Variants in SNTG2 observed in about 807,000 individuals in gnomAD.
SNTG2 encodes syntrophin gamma 2, also known as gamma-2-syntrophin.
A neutral mutation model predicts 70.9 loss-of-function variants in SNTG2; 74 were observed. The ratio of observed to expected loss-of-function variants is 1.04; its 90% CI spans 0.86 to 1.27. The LOEUF is 1.27. SNTG2 is among the 50% of genes most tolerant of loss of function. The pLI is 0.00. For synonymous variants in SNTG2, 278 were observed against 273.8 expected (o/e 1.02, Z -0.15); for missense variants, 717 against 690.7 (o/e 1.04, Z -0.43).
chr2:1,143,577 TATG>T (rs1668891897), intron 6 of SNTG2, among the ~76,000 whole-genome samples: 2 of 151,420 alleles, frequency 1.3e-5, no homozygotes, highest in Admixed American at 1.3e-4. Context: ...CCGTCGAAAA[TATG>T]ATATTTGGCC....
At chr2:1,066,357 G>A (rs1474083630) in intron 1 of SNTG2, among the ~76,000 whole-genome samples, 1 of 151,848 alleles carries the variant, frequency 6.6e-6, no homozygotes, top group Non-Finnish European at 1.5e-5. Context: ...GTTTTGCAGT[G>A]TACAGTCACG....
At chr2:1,135,599 G>A (rs1172908811) in intron 4 of SNTG2, among the ~76,000 whole-genome samples, 1 of 152,138 alleles carries the variant, frequency 6.6e-6, no homozygotes, top group Non-Finnish European at 1.5e-5. Context: ...GTGCATGTCT[G>A]TAATCCCAGC....
At chr2:986,145 C>G (rs868401482) in intron 1 of SNTG2, among the ~76,000 whole-genome samples, 2 of 137,164 alleles carry the variant, frequency 1.5e-5, no homozygotes, top group African/African-American at 5.4e-5. Flanking sequence ...TATCAATTTT[C>G]CTTTCACACA....
At chr2:1,364,691 G>C (rs1661382258) in intron 16 of SNTG2, among the ~76,000 whole-genome samples, 1 of 146,218 alleles carries the variant, frequency 6.8e-6, no homozygotes, top group Admixed American at 7.0e-5. Flanking sequence ...AGGAGGTTGA[G>C]ACCATCCTGG....
intron 6 of SNTG2, chr2:1,161,557 C>A (rs1372516427): frequency 6.6e-6 from 1 of 152,176 alleles, no homozygotes; most frequent in Non-Finnish European, 1.5e-5. Context: ...AGGGAGAAAT[C>A]TTTGAAGGCA....
chr2:1,167,236 C>T (rs925218586), intron 7 of SNTG2, among the ~76,000 whole-genome samples: 10 of 150,492 alleles, frequency 6.6e-5, no homozygotes, highest in Non-Finnish European at 1.3e-4. Flanking sequence ...ACAAGCCACC[C>T]ACAGACGACA....
chr2:1,246,281 T>C (rs1414262576), intron 11 of SNTG2, among the ~76,000 whole-genome samples: 3 of 152,232 alleles, frequency 2.0e-5, no homozygotes, highest in Admixed American at 1.3e-4. Flanking sequence ...ATACCGTTTG[T>C]AGAAATCTGA....
rs77481444 is a variant in SNTG2, at chr2:957,071, T to A, written c.72+6003T>A. ...TGCCTTTTTACATGATTAAGTTTTC[T>A]TTATGTACTGAGAAATATGAAATTA... On this transcript the variant is annotated intron_variant, in intron 1 of 16. Coordinates refer to ENST00000308624, the MANE Select transcript of SNTG2 (RefSeq NM_018968.4). Among the ~76,000 whole-genome samples, 1,124 of 152,368 alleles carry A rather than the reference T, an allele frequency of 7.4e-3. 18 individuals carry two copies. The highest frequency in any genetic ancestry group is 0.026 in the African/African-American group (1,066 of 41,584).
intron 1 of SNTG2, among the ~76,000 whole-genome samples, chr2:1,020,195 G>T (rs141671774): frequency 1.3e-5 from 2 of 152,332 alleles, no homozygotes; most frequent in South Asian, 2.1e-4. Flanking sequence ...ATACACATAC[G>T]TGCATGCTCT....
At chr2:986,067 T>TAGAGAGAGAGAGAGAGAGAGAGAGAGAG (rs10633277) in intron 1 of SNTG2, among the ~76,000 whole-genome samples, 1 of 129,718 alleles carries the variant, frequency 7.7e-6, no homozygotes, top group Non-Finnish European at 1.6e-5. Flanking sequence ...CTGCAAATAA[T>TAGAGAGAGAGAGAGAGAGAGAGAGAGAG]AGAGAGAGAG....
chr2:1,333,193 G>A (rs1326062335), intron 16 of SNTG2, among the ~76,000 whole-genome samples: 4 of 152,050 alleles, frequency 2.6e-5, no homozygotes, highest in African/African-American at 7.2e-5. Flanking sequence ...GAACTCAATC[G>A]CTTTTACAAC....
chr2:1,361,626 C>T (rs1437510776), intron 16 of SNTG2, among the ~76,000 whole-genome samples: 1 of 152,150 alleles, frequency 6.6e-6, no homozygotes, highest in African/African-American at 2.4e-5. Flanking sequence ...TTCAGTAGAA[C>T]TTCCACGAAG....
At chr2:1,182,040 T>G (rs1027005244) in intron 8 of SNTG2, among the ~76,000 whole-genome samples, 2 of 152,186 alleles carry the variant, frequency 1.3e-5, no homozygotes, top group Non-Finnish European at 2.9e-5. Context: ...ACTGGCTTGT[T>G]AATTGGTTAG....
intron 4 of SNTG2, among the ~76,000 whole-genome samples, chr2:1,122,798 C>CTG (rs1478331962): frequency 2.0e-5 from 3 of 148,850 alleles, no homozygotes; most frequent in Non-Finnish European, 4.5e-5. Context: ...TGGCATGATT[C>CTG]TATTTGTAAA....
intron 14 of SNTG2, among the ~76,000 whole-genome samples, chr2:1,289,130 C>A (rs182748962): frequency 1.3e-5 from 2 of 152,030 alleles, no homozygotes; most frequent in East Asian, 2.0e-4. Context: ...CCTCTAGCAT[C>A]TTTACTTCCT....
chr2:1,348,298 C>T (rs1160689411), intron 16 of SNTG2, among the ~76,000 whole-genome samples: 10 of 152,234 alleles, frequency 6.6e-5, no homozygotes, highest in African/African-American at 2.4e-4. Context: ...TAAAATTTAA[C>T]CTGAAAGACT....
At chr2:1,358,265 C>T (rs989163115) in intron 16 of SNTG2, among the ~76,000 whole-genome samples, 7 of 152,054 alleles carry the variant, frequency 4.6e-5, no homozygotes, top group Non-Finnish European at 7.4e-5. Flanking sequence ...ACATTCAGTC[C>T]GTAACATTAG....
intron 4 of SNTG2, among the ~76,000 whole-genome samples, chr2:1,115,050 T>C (rs890162452): frequency 2.0e-5 from 3 of 151,948 alleles, no homozygotes; most frequent in African/African-American, 7.3e-5. Context: ...CTTACAGTCC[T>C]TTGAGAAGGA....
intron 12 of SNTG2, among the ~76,000 whole-genome samples, chr2:1,251,717 C>T (rs909567375): frequency 1.4e-5 from 2 of 147,360 alleles, no homozygotes; most frequent in Admixed American, 1.4e-4. Context: ...ACACACAACA[C>T]AAATAGACAC....
Sources: gnomAD v4.1 joint callset for allele counts (sites outside exome capture counted in the v4.1 genomes callset) on GRCh38, gnomAD v4.1.1 for gene constraint, MANE v1.5 for transcripts, NCBI Gene and HGNC (gene_info 2026-07-23, HGNC 2026-07-21) for gene names.